Variants in ADCY9 observed in about 807,000 individuals in gnomAD.
The protein encoded by ADCY9 is adenylate cyclase type 9.
A neutral mutation model predicts 101.5 loss-of-function variants in ADCY9; 50 were observed. The observed-to-expected ratio is 0.49, with a 90% CI of 0.39 to 0.62. The LOEUF (loss-of-function observed/expected upper bound fraction) is 0.62, where lower values mean the gene tolerates loss of function less well. ADCY9 is among the 20% of genes least tolerant of loss of function. ADCY9 has a pLI of 0.00. For synonymous variants in ADCY9, 905 were observed against 769.3 expected, an observed-to-expected ratio of 1.18 and a Z score of -2.92; for missense variants, 1,662 against 1,800.4, an observed-to-expected ratio of 0.92 and a Z score of 1.39.
At chr16:4,101,383 G>A (rs1014787278) in intron 2 of ADCY9, among the ~76,000 whole-genome samples, 2 of 149,634 alleles carry the variant, frequency 1.3e-5, no homozygotes, top group African/African-American at 4.9e-5. Context: ...GGGCTCAAAC[G>A]ATCCTCCCAT....
chr16:3,954,801 G>A (rs1567407954), intron 5 of ADCY9, among the ~76,000 whole-genome samples: 1 of 152,194 alleles, frequency 6.6e-6, no homozygotes, highest in Non-Finnish European at 1.5e-5. Flanking sequence ...CAGATGGGGA[G>A]GCCCTGTGTG....
intron 2 of ADCY9, among the ~76,000 whole-genome samples, chr16:4,083,793 T>A (rs937671951): frequency 2.0e-5 from 3 of 152,160 alleles, no homozygotes; most frequent in Non-Finnish European, 4.4e-5. Flanking sequence ...TTTTATGAAA[T>A]GTCCAGAACA....
At chr16:3,954,607 G>C (rs959984679) in intron 5 of ADCY9, among the ~76,000 whole-genome samples, 1 of 152,180 alleles carries the variant, frequency 6.6e-6, no homozygotes, top group African/African-American at 2.4e-5. Flanking sequence ...GTCAGAAACG[G>C]AACACGAGGT....
intron 3 of ADCY9, among the ~76,000 whole-genome samples, chr16:3,996,689 A>C (rs1187205519): frequency 6.6e-6 from 1 of 152,230 alleles, no homozygotes; most frequent in Non-Finnish European, 1.5e-5. Context: ...ACTTCTGTTA[A>C]CTATGCTCTC....
At chr16:4,033,840 A>G (rs1480530441) in intron 2 of ADCY9, among the ~76,000 whole-genome samples, 1 of 152,234 alleles carries the variant, frequency 6.6e-6, no homozygotes, top group Non-Finnish European at 1.5e-5. Context: ...TGAGTCTGAC[A>G]GATTATGGCA....
At position 4,114,101 on chromosome 16, in the gene ADCY9, C is replaced by G; in HGVS notation, c.1342G>C (p.Val448Leu). The change falls in exon 2 of 11, where the codon GTG (valine) becomes CTG (leucine). Residue 448 changes from valine (V) to leucine (L), a missense_variant. Val to Leu is a conservative substitution (Grantham distance 32). This residue lies in a region of ADCY9 where 228 missense variants were observed against 301.1 expected (regional missense o/e 0.76). Transcript: ENST00000294016. This position sits in a 1 kb window ranked among gnomAD's most constrained non-coding sequence, Gnocchi z 4.3. Reference protein sequence around the residue: ...ISTLGDCYYCVAGCPEPRADH... With the variant: ...ISTLGDCYYCLAGCPEPRADH... ...GCCCGGGGCTCGGGACAGCCCGCCA[C>G]GCAGTAGTAACAGTCTCCCAGGGTG... The G allele has an allele frequency of 1.9e-6, 3 of 1,613,884 alleles. No individual in the cohort carries two copies. The highest frequency in any genetic ancestry group is 2.5e-6 in the Non-Finnish European group (3 of 1,180,040).
intron 2 of ADCY9, among the ~76,000 whole-genome samples, chr16:4,069,658 C>T (rs1036254586): frequency 6.6e-6 from 1 of 152,050 alleles, no homozygotes; most frequent in African/African-American, 2.4e-5. Flanking sequence ...GTAAATTATT[C>T]TCTTGTATCT....
chr16:3,998,841 T>C (rs1229817059), intron 3 of ADCY9, among the ~76,000 whole-genome samples: 2 of 147,544 alleles, frequency 1.4e-5, no homozygotes, highest in African/African-American at 5.0e-5. Context: ...GATTCTCACA[T>C]CTCAACATCC....
chr16:3,976,526 C>T (rs1053336002), intron 9 of ADCY9, among the ~76,000 whole-genome samples: 1 of 152,172 alleles, frequency 6.6e-6, no homozygotes, highest in Non-Finnish European at 1.5e-5. Flanking sequence ...TCAGCACCTA[C>T]CAGTGATACG....
intron 2 of ADCY9, among the ~76,000 whole-genome samples, chr16:4,019,843 C>A (rs11642371): frequency 0.1 from 15,655 of 152,130 alleles, 1,006 homozygotes; most frequent in Admixed American, 0.14. Flanking sequence ...TTTGGGAGGC[C>A]AAGGTGGAAG....
At chr16:3,969,726 C>T (rs1014686663) in intron 10 of ADCY9, among the ~76,000 whole-genome samples, 27 of 149,566 alleles carry the variant, frequency 1.8e-4, no homozygotes, top group African/African-American at 5.9e-4. Flanking sequence ...GCGATCCTCC[C>T]GCCTCAGCCT....
rs147349220 is a variant in ADCY9, at chr16:4,044,226, A to G, written c.1694-36668T>C. 4.5e-3 allele frequency among the ~76,000 whole-genome samples: 690 copies of G among 152,184 alleles called. 2 individuals carry two copies. The highest frequency in any genetic ancestry group is 0.015 in the African/African-American group (613 of 41,528). On this transcript the variant is annotated intron_variant, in intron 2 of 10. Coordinates refer to ENST00000294016, the MANE Select transcript of ADCY9 (RefSeq NM_001116.4). ...GCCAGGTGTGGTGGTGTGTGCCTGTAATCCCAGCTACTCCGGAGGCTGAAG... is the reference window on the plus strand; with the variant it reads ...GCCAGGTGTGGTGGTGTGTGCCTGTGATCCCAGCTACTCCGGAGGCTGAAG...
At chr16:4,109,764 C>T (rs562174552) in intron 2 of ADCY9, among the ~76,000 whole-genome samples, 1 of 152,188 alleles carries the variant, frequency 6.6e-6, no homozygotes, top group Non-Finnish European at 1.5e-5. Context: ...ATCACCCCTA[C>T]CTGGGATTTA....
chr16:4,057,344 T>G (rs2141156601), intron 2 of ADCY9, among the ~76,000 whole-genome samples: 1 of 152,214 alleles, frequency 6.6e-6, no homozygotes, highest in South Asian at 2.1e-4. Flanking sequence ...ATTCATCTGT[T>G]TCCAGGGTAC....
At chr16:3,956,657 A>ATTT (rs71394630) in intron 5 of ADCY9, among the ~76,000 whole-genome samples, 5 of 139,696 alleles carry the variant, frequency 3.6e-5, no homozygotes, top group South Asian at 4.6e-4. Context: ...CACCTGGCTA[A>ATTT]TTTTTTTTTT....
At chr16:3,979,310 G>A (rs950320784) in intron 7 of ADCY9, 35 bp from the exon 8 acceptor site, 1 of 1,608,420 alleles carries the variant, frequency 6.2e-7, no homozygotes, top group African/African-American at 1.3e-5. Context: ...GGAGCGACGG[G>A]GCCCGGGGTG....
At chr16:4,019,157 T>A (rs2056458718) in intron 2 of ADCY9, among the ~76,000 whole-genome samples, 1 of 151,900 alleles carries the variant, frequency 6.6e-6, no homozygotes, top group Non-Finnish European at 1.5e-5. Flanking sequence ...AAAAAAAAAT[T>A]TTTTTTTAAA....
chr16:4,085,272 G>A (rs564589184), intron 2 of ADCY9, among the ~76,000 whole-genome samples: 1 of 152,218 alleles, frequency 6.6e-6, no homozygotes, highest in African/African-American at 2.4e-5. Flanking sequence ...TGAGGTGGAA[G>A]AATCACTTAA....
In ADCY9 at chr16:3,992,551, G is replaced by A. The variant is rs990128762; in HGVS notation, c.1990-188C>T. On this transcript the variant is annotated intron_variant, in intron 4 of 10. Coordinates refer to ENST00000294016, the MANE Select transcript of ADCY9 (RefSeq NM_001116.4). The surrounding 1 kb of genome is among the most constrained non-coding windows in gnomAD (Gnocchi z 4.2). ...GCTCCAATCCCAGCCCTGACTGCCCGTCTGCTCCTTCCTGTTACCCAACAG... is the reference window on the plus strand; with the variant it reads ...GCTCCAATCCCAGCCCTGACTGCCCATCTGCTCCTTCCTGTTACCCAACAG... Among the ~76,000 whole-genome samples, 14 of 152,118 alleles carry A rather than the reference G, an allele frequency of 9.2e-5. No individual in the cohort carries two copies. In the South Asian group the frequency reaches 1.0e-3, roughly 11 times the overall value.
Sources: allele counts gnomAD v4.1 joint callset (sites outside exome capture counted in the v4.1 genomes callset), GRCh38; gene constraint gnomAD v4.1.1; regional missense constraint gnomAD v4.1.1; non-coding constraint Gnocchi (gnomAD v3.1); transcripts MANE v1.5; gene names NCBI Gene and HGNC (gene_info 2026-07-23, HGNC 2026-07-21).